DCAF1: variants seen among roughly 807,000 people sequenced by gnomAD.
DCAF1 encodes the protein DDB1- and CUL4-associated factor 1.
In DCAF1, 15 loss-of-function variants were observed where a neutral mutation model predicts 128.0. The ratio of observed to expected loss-of-function variants is 0.12; its 90% CI spans 0.08 to 0.18. The LOEUF (loss-of-function observed/expected upper bound fraction) is 0.18. Among genes scored for constraint, DCAF1 ranks in the 10% least tolerant of loss-of-function variants. The pLI is 1.00. For missense variants in DCAF1, 988 were observed against 1,649.5 expected, an observed-to-expected ratio of 0.60 and a Z score of 6.95; for synonymous variants, 610 against 603.0, an observed-to-expected ratio of 1.01 and a Z score of -0.17.
At chr3:51,452,827 C>T (rs564050081) in intron 6 of DCAF1, among the ~76,000 whole-genome samples, 2 of 152,138 alleles carry the variant, frequency 1.3e-5, no homozygotes, top group African/African-American at 4.8e-5. Context: ...GCCTGGCCAA[C>T]GTGGTGAAAC....
chr3:51,471,029 C>A, intron 3 of DCAF1, 24 bp from the exon 4 acceptor site: 1 of 1,529,070 alleles, frequency 6.5e-7, no homozygotes, highest in Non-Finnish European at 8.9e-7. Flanking sequence ...AACAAGGGGT[C>A]AACTCTGGAC....
intron 23 of DCAF1, among the ~76,000 whole-genome samples, chr3:51,411,112 G>T (rs1559477985): frequency 6.8e-6 from 1 of 147,854 alleles, no homozygotes; most frequent in Non-Finnish European, 1.5e-5. Flanking sequence ...AGTGAGCCGA[G>T]ATCGTGCCAT....
intron 2 of DCAF1, among the ~76,000 whole-genome samples, chr3:51,489,813 G>A (rs1306521002): frequency 5.8e-5 from 3 of 51,846 alleles, no homozygotes; most frequent in African/African-American, 4.1e-4. Flanking sequence ...GTGTATGCAT[G>A]TGTGTGTGTG....
At position 51,398,779 on chromosome 3, in the gene DCAF1, A is replaced by G; in HGVS notation, c.4514T>C (p.Leu1505Pro). The change falls in exon 25 of 25, where the codon CTG (leucine) becomes CCG (proline). Residue 1505 changes from leucine to proline, a missense_variant. This residue lies in a region of DCAF1 where 97 missense variants were observed against 134.5 expected (regional missense o/e 0.72). Coordinates refer to ENST00000684031, the MANE Select transcript of DCAF1 (RefSeq NM_001387579.1). Reference protein sequence around the residue: ...SDLEDDIILSLNE With the variant: ...SDLEDDIILSPNE ...AGCAGTGATGGCTCCTCACTCATTCAGAGATAAGATGATGTCATCTTCCAA... is the reference window on the plus strand; with the variant it reads ...AGCAGTGATGGCTCCTCACTCATTCGGAGATAAGATGATGTCATCTTCCAA... The G allele has an allele frequency of 6.3e-7, 1 of 1,590,812 alleles. No homozygotes were observed. Among genetic ancestry groups the G allele is most frequent in the Non-Finnish European group, 8.6e-7 (1 of 1,168,036 alleles).
intron 18 of DCAF1, among the ~76,000 whole-genome samples, chr3:51,416,132 A>G (rs1451294968): frequency 6.6e-6 from 1 of 152,024 alleles, no homozygotes; most frequent in Non-Finnish European, 1.5e-5. Context: ...CCACTCATGT[A>G]TCCTCTACTC....
intron 14 of DCAF1, among the ~76,000 whole-genome samples, chr3:51,422,035 C>T (rs1419373198): frequency 6.6e-6 from 1 of 152,066 alleles, no homozygotes; most frequent in Non-Finnish European, 1.5e-5. Flanking sequence ...GCAGAAATGC[C>T]AGTACCACTC....
chr3:51,441,125 T>TC (rs1224554304), intron 8 of DCAF1, 54 bp from the exon 9 acceptor site: 6 of 1,474,142 alleles, frequency 4.1e-6, no homozygotes, highest in African/African-American at 1.4e-5. Context: ...GTCATGTATT[T>TC]CCTATTCCAC....
At chr3:51,399,491 G>A (rs76840800) in intron 24 of DCAF1, among the ~76,000 whole-genome samples, 250 of 152,312 alleles carry the variant, frequency 1.6e-3, no homozygotes, top group African/African-American at 5.6e-3. Flanking sequence ...GCAGTGTGAC[G>A]CCCTGGAAGA....
At chr3:51,463,306 T>C (rs1703804433) in intron 5 of DCAF1, 79 bp from the exon 6 acceptor site, 2 of 767,274 alleles carry the variant, frequency 2.6e-6, no homozygotes, top group South Asian at 2.5e-5. Context: ...AACCTCAACA[T>C]ATTCCCATTA....
At position 51,429,482 on chromosome 3, in the gene DCAF1, C is replaced by A. The variant is rs781988840; in HGVS notation, c.1468-12G>T. The stretch of plus-strand genomic sequence containing the variant: ...TCCAAAGTACTGATCTATTAAGATG[C>A]AAAATATTGGGGCAAAAGAGGGGAA... On this transcript the variant is annotated splice_polypyrimidine_tract_variant and intron_variant, in intron 11 of 24. Transcript: ENST00000684031. 3.9e-6 allele frequency: 3 copies of A among 777,914 alleles called. No homozygotes were observed. Among genetic ancestry groups the A allele is most frequent in the African/African-American group, 3.4e-5 (2 of 58,948 alleles). 48.2% of individuals were successfully genotyped at this position (777,914 alleles called of 1,614,324 possible).
intron 6 of DCAF1, among the ~76,000 whole-genome samples, chr3:51,456,084 T>C (rs942210378): frequency 6.6e-6 from 1 of 152,098 alleles, no homozygotes; most frequent in Non-Finnish European, 1.5e-5. Context: ...CAGTGCACCG[T>C]GTGCTAGCAG....
intron 9 of DCAF1, among the ~76,000 whole-genome samples, chr3:51,436,096 A>G (rs1346047056): frequency 6.6e-6 from 1 of 152,180 alleles, no homozygotes; most frequent in Admixed American, 6.5e-5. Flanking sequence ...GTTGATAAAG[A>G]ACCTTAGTAA....
At chr3:51,492,107 C>T (rs927648955) in intron 2 of DCAF1, among the ~76,000 whole-genome samples, 42 of 148,458 alleles carry the variant, frequency 2.8e-4, no homozygotes, top group Non-Finnish European at 4.6e-4. Flanking sequence ...TGCAGTGAGC[C>T]GAGACTGCAC....
intron 6 of DCAF1, among the ~76,000 whole-genome samples, chr3:51,459,152 A>G (rs1410648039): frequency 2.0e-5 from 3 of 152,226 alleles, no homozygotes; most frequent in Non-Finnish European, 2.9e-5. Flanking sequence ...AACAAAATTG[A>G]TAGACCGCTA....
intron 23 of DCAF1, among the ~76,000 whole-genome samples, chr3:51,407,660 G>C (rs1697990441): frequency 6.6e-6 from 1 of 152,146 alleles, no homozygotes; most frequent in Non-Finnish European, 1.5e-5. Context: ...TTTTCTAAAA[G>C]TCAAATCAAA....
intron 18 of DCAF1, 140 bp downstream of exon 18, chr3:51,416,647 T>G: frequency 8.1e-7 from 1 of 1,236,092 alleles, no homozygotes; most frequent in Non-Finnish European, 1.1e-6. Flanking sequence ...TATATTATCA[T>G]ACTTTTAGAT....
At chr3:51,397,625 TC>T (rs1398693052), downstream of DCAF1, 1 of 167,034 alleles carries the variant, frequency 6.0e-6, no homozygotes, top group Non-Finnish European at 1.5e-5. Flanking sequence ...GACCTCTCTC[TC>T]CACATTACCC....
At chr3:51,454,297 C>T (rs1459002870) in intron 6 of DCAF1, among the ~76,000 whole-genome samples, 1 of 152,148 alleles carries the variant, frequency 6.6e-6, no homozygotes, top group Non-Finnish European at 1.5e-5. Context: ...ACTCCTCCTG[C>T]CTTAGCCTCA....
chr3:51,464,261 T>TAC (rs1703906583), intron 5 of DCAF1, among the ~76,000 whole-genome samples: 2 of 31,150 alleles, frequency 6.4e-5, no homozygotes, highest in African/African-American at 4.0e-4. Flanking sequence ...ATAAATTATA[T>TAC]ATATAATACA....
Sources: allele counts gnomAD v4.1 joint callset (sites outside exome capture counted in the v4.1 genomes callset), GRCh38; gene constraint gnomAD v4.1.1; regional missense constraint gnomAD v4.1.1; transcripts MANE v1.5; gene names NCBI Gene and HGNC (gene_info 2026-07-23, HGNC 2026-07-21).